Variants in UFL1 observed in about 807,000 individuals in gnomAD.
The protein encoded by UFL1 is E3 UFM1-protein ligase 1.
A neutral mutation model predicts 99.3 loss-of-function variants in UFL1; 78 were observed. The observed-to-expected ratio is 0.79, with a 90% CI of 0.65 to 0.95. UFL1 has a LOEUF of 0.95. Among genes scored for constraint, UFL1 ranks in the 40% least tolerant of loss-of-function variants. UFL1 has a pLI of 0.00. For synonymous variants in UFL1, 335 were observed against 322.2 expected (o/e 1.04, Z -0.42); for missense variants, 936 against 937.0 (o/e 1.00, Z 0.01).
At position 96,542,965 on chromosome 6, in the gene UFL1, A is replaced by G; in HGVS notation, c.1351A>G (p.Lys451Glu). Residue 451 changes from lysine (K) to glutamate (E), a missense_variant, in exon 12 of 19, where the codon AAA (lysine) becomes GAA (glutamate). By Grantham distance (56) the Lys-to-Glu change is moderately conservative (BLOSUM62 1). Transcript: ENST00000369278. ...REYKIKKVKK[K>E]GRKDDDSDDE... is the part of the protein sequence containing the mutation. ...GTACAAAATTAAAAAAGTCAAGAAG[A>G]AAGGAAGAAAAGATGATGATAGTGA... 6.2e-7 allele frequency: 1 copy of G among 1,600,826 alleles called. No homozygotes were observed. Among genetic ancestry groups the G allele is most frequent in the Middle Eastern group, 1.7e-4 (1 of 6,014 alleles).
chr6:96,523,119 T>G (rs770514047), intron 1 of UFL1, 27 bp from the exon 2 acceptor site: 1 of 1,578,000 alleles, frequency 6.3e-7, no homozygotes, highest in East Asian at 2.3e-5. Flanking sequence ...AGTGGACTTT[T>G]GAAACAACTT....
rs1459566037 is a variant in UFL1 at position 96,521,918 on chromosome 6, C to T, written c.45C>T (p.Phe15=). 1 of 1,612,560 alleles carries T rather than the reference C, an allele frequency of 6.2e-7. No individual in the cohort carries two copies. Among genetic ancestry groups the T allele is most frequent in the Non-Finnish European group, 8.5e-7 (1 of 1,179,616 alleles). The change falls in exon 1 of 19, where the codon TTC becomes TTT. Residue 15 remains phenylalanine, a synonymous_variant. Transcript: ENST00000369278. ...WEEIRRLAAD[F]QRAQFAEATQ... ...AGATTAGGCGGTTGGCGGCCGACTT[C>T]CAGCGGGCGCAGTTCGCCGAGGCCA...
chr6:96,527,996 T>C lies in UFL1; in HGVS notation c.466-506T>C, dbSNP rs149171213. Among the ~76,000 whole-genome samples the C allele has an allele frequency of 4.6e-5, 7 of 152,260 alleles. No homozygotes were observed. The East Asian group carries it at 1.4e-3, about 29-fold the overall frequency. On this transcript the variant is annotated intron_variant, in intron 5 of 18. Coordinates refer to ENST00000369278, the MANE Select transcript of UFL1 (RefSeq NM_015323.5). Reference sequence around the variant, plus strand: ...AAGAAGTCAGATTATCTGCCATAGATCTTCTGGACGGGGATAAATTTGCAT... The same window carrying C: ...AAGAAGTCAGATTATCTGCCATAGACCTTCTGGACGGGGATAAATTTGCAT...
rs769855199 is a variant in UFL1, at chr6:96,551,424, C to T, written c.1819-9C>T. The T allele has an allele frequency of 4.9e-6, 7 of 1,423,606 alleles. No individual in the cohort carries two copies. Among genetic ancestry groups the T allele is most frequent in the Non-Finnish European group, 6.7e-6 (7 of 1,041,284 alleles). The allele number at this position is 1,423,606 out of a possible 1,614,324, so 88.2% of individuals were successfully genotyped here. ...ACAGTACTGAATGAATTTTCATTTA[C>T]CCCTACAGATAAGAAAGAAAATTTT... On this transcript the variant is annotated splice_polypyrimidine_tract_variant and intron_variant, in intron 15 of 18. Transcript: ENST00000369278.
Position 96,540,574 on chromosome 6 carries a change from G to T in UFL1, c.1198G>T (p.Asp400Tyr). 6.2e-7 allele frequency: 1 copy of T among 1,606,566 alleles called. No homozygotes were observed. The highest frequency in any genetic ancestry group is 2.2e-5 in the East Asian group (1 of 44,542). The change falls in exon 11 of 19, where the codon GAT becomes TAT. Residue 400 changes from aspartate (D) to tyrosine (Y), a missense_variant. By Grantham distance (160) the Asp-to-Tyr change is radical. Coordinates refer to ENST00000369278, the MANE Select transcript of UFL1 (RefSeq NM_015323.5). ...NNPVHLITEE[D>Y]LKQISTLESV... ...TCCTGTGCATTTAATCACTGAAGAA[G>T]ATCTGAAACAAATCTCCACTTTAGA...
chr6:96,526,500 T>C, intron 5 of UFL1, 65 bp downstream of exon 5: 3 of 1,265,384 alleles, frequency 2.4e-6, no homozygotes, highest in Non-Finnish European at 1.1e-6. Flanking sequence ...AGACTTTGAA[T>C]GGAAGGGGGA....
chr6:96,528,572 C>T lies in UFL1; in HGVS notation c.536C>T (p.Thr179Met), dbSNP rs1006772143. The T allele has an allele frequency of 5.0e-6, 8 of 1,613,830 alleles. No homozygotes were observed. The highest frequency in any genetic ancestry group is 2.2e-5 in the East Asian group (1 of 44,862). Reference sequence around the variant, plus strand: ...CTTGATAATAGAGGAGTAATTTTTACGGAAGCTTTTGTAGCTCGACATAAA... The same window carrying T: ...CTTGATAATAGAGGAGTAATTTTTATGGAAGCTTTTGTAGCTCGACATAAA... ...IDLDNRGVIF[T>M]EAFVARHKAR... Residue 179 changes from threonine to methionine, a missense_variant, in exon 6 of 19, where the codon ACG becomes ATG. Transcript: ENST00000369278.
intron 6 of UFL1, among the ~76,000 whole-genome samples, chr6:96,533,246 C>A (rs1335733236): frequency 2.6e-5 from 4 of 151,706 alleles, no homozygotes; most frequent in African/African-American, 9.7e-5. Flanking sequence ...GAGATACAGT[C>A]ATAGGAGTCC....
Position 96,524,167 on chromosome 6 carries a change from T to TA in UFL1, c.224-199dup, listed in dbSNP as rs76513020. ...TGCTCATAATTGGCCTGATGTTATT[T>TA]AAAAAAAAAAAAAAAATTGAAAGTA... On this transcript the variant is annotated intron_variant, in intron 2 of 18. Coordinates refer to ENST00000369278, the MANE Select transcript of UFL1 (RefSeq NM_015323.5). Among the ~76,000 whole-genome samples the TA allele has an allele frequency of 5.8e-3, 817 of 140,900 alleles. 4 individuals are homozygous for TA. Among genetic ancestry groups the TA allele is most frequent in the African/African-American group, 0.013 (492 of 38,758 alleles). 92.4% of individuals were successfully genotyped at this position (140,900 alleles called of 152,430 possible).
chr6:96,543,047 G>T, intron 12 of UFL1, 31 bp downstream of exon 12: 1 of 1,565,982 alleles, frequency 6.4e-7, no homozygotes. Flanking sequence ...TTTCCTTGGT[G>T]TATGTGTGAT....
Position 96,553,830 on chromosome 6 carries a change from T to G in UFL1, c.*327T>G, listed in dbSNP as rs957812056. On this transcript the variant is annotated 3_prime_UTR_variant, in exon 19 of 19. Coordinates refer to ENST00000369278, the MANE Select transcript of UFL1 (RefSeq NM_015323.5). Reference sequence around the variant, plus strand: ...CCAAATGTTGAATGAAAAACAAATTTTCCAATCCATTTATCCCTGGGGAAG... The same window carrying G: ...CCAAATGTTGAATGAAAAACAAATTGTCCAATCCATTTATCCCTGGGGAAG... 9.8e-6 allele frequency: 2 copies of G among 204,646 alleles called. No homozygotes were observed. Among genetic ancestry groups the G allele is most frequent in the African/African-American group, 4.6e-5 (2 of 43,282 alleles). 12.7% of individuals were successfully genotyped at this position (204,646 alleles called of 1,614,324 possible). A position where few individuals can be genotyped will look rare whatever the true frequency, so the allele number is the denominator to read the frequency against.
At chr6:96,552,065 A>G in intron 17 of UFL1, 142 bp downstream of exon 17, 1 of 560,560 alleles carries the variant, frequency 1.8e-6, no homozygotes, top group Admixed American at 3.5e-5. Flanking sequence ...GTAGACCTTC[A>G]AGAATATTCA....
Position 96,540,652 on chromosome 6 carries a change from A to G in UFL1, c.1276A>G (p.Thr426Ala). Residue 426 changes from threonine to alanine, a missense_variant, in exon 11 of 19, where the codon ACA (threonine) becomes GCA (alanine). Transcript: ENST00000369278. Reference protein sequence around the residue: ...DKKDERRRKATEGSGSMRGGG... With the variant: ...DKKDERRRKAAEGSGSMRGGG... The stretch of plus-strand genomic sequence containing the variant: ...AAAAGATGAGCGAAGAAGGAAAGCA[A>G]CAGGTAATAAATTGTTAACAAGGAA... 1.3e-6 allele frequency: 2 copies of G among 1,594,176 alleles called. No individual in the cohort carries two copies. The highest frequency in any genetic ancestry group is 1.7e-6 in the Non-Finnish European group (2 of 1,172,984).
In UFL1 at chr6:96,551,897, G is replaced by A. The variant is rs1308767041; in HGVS notation, c.1959G>A (p.Val653=). Residue 653 remains valine, a synonymous_variant, in exon 17 of 19, where the codon GTG becomes GTA. Transcript: ENST00000369278. Reference sequence around the variant, plus strand: ...CAGCAGAAGCTTGTGATATTATGGTGAAAAGGGGAGACAAAAAAAGGGAAA... The same window carrying A: ...CAGCAGAAGCTTGTGATATTATGGTAAAAAGGGGAGACAAAAAAAGGGAAA... ...DSAAEACDIM[V]KRGDKKRERQ... 6.2e-7 allele frequency: 1 copy of A among 1,607,940 alleles called. No individual in the cohort carries two copies. The highest frequency in any genetic ancestry group is 8.5e-7 in the Non-Finnish European group (1 of 1,176,178).
chr6:96,532,927 A>G (rs1449171935), intron 6 of UFL1, among the ~76,000 whole-genome samples: 2 of 152,202 alleles, frequency 1.3e-5, no homozygotes, highest in East Asian at 3.9e-4. Flanking sequence ...AGAATTTGGT[A>G]AAAATAATAA....
rs1770124187 is a variant in UFL1 at position 96,554,278 on chromosome 6, C to T, written c.*775C>T. 2.6e-5 allele frequency: 4 copies of T among 152,068 alleles called. No individual in the cohort carries two copies. The East Asian group carries it at 7.7e-4, about 29-fold the overall frequency. The allele number at this position is 152,068 out of a possible 1,614,324, so 9.4% of individuals were successfully genotyped here. A position where few individuals can be genotyped will look rare whatever the true frequency, so the allele number is the denominator to read the frequency against. On this transcript the variant is annotated 3_prime_UTR_variant, in exon 19 of 19. Coordinates refer to ENST00000369278, the MANE Select transcript of UFL1 (RefSeq NM_015323.5). ...ATTTTATACAAAGATTTTTCTTTGACCCAGTTTGCATTTGTACATTTTATT... is the reference window on the plus strand; with the variant it reads ...ATTTTATACAAAGATTTTTCTTTGATCCAGTTTGCATTTGTACATTTTATT...
At chr6:96,522,051 C>T (rs1769620191) in intron 1 of UFL1, 101 bp downstream of exon 1, 2 of 1,289,988 alleles carry the variant, frequency 1.6e-6, no homozygotes, top group Non-Finnish European at 1.1e-6. Context: ...CCCGGGTCTT[C>T]TCGCTGCTTG....
At chr6:96,543,099 T>TA in intron 12 of UFL1, 83 bp downstream of exon 12, 1 of 1,466,942 alleles carries the variant, frequency 6.8e-7, no homozygotes, top group South Asian at 1.4e-5. Flanking sequence ...ATTAGGTATA[T>TA]ATGCTAATAC....
chr6:96,552,380 AT>A (rs1770093636), intron 17 of UFL1, 101 bp from the exon 18 acceptor site: 5 of 1,298,058 alleles, frequency 3.9e-6, no homozygotes, highest in Non-Finnish European at 5.1e-6. Context: ...ATGGAATTAG[AT>A]AAACTAGAGA....
Sources: allele counts gnomAD v4.1 joint callset (sites outside exome capture counted in the v4.1 genomes callset), GRCh38; gene constraint gnomAD v4.1.1; transcripts MANE v1.5; gene names NCBI Gene and HGNC (gene_info 2026-07-23, HGNC 2026-07-21).